Variants in HTR2A observed in about 807,000 individuals in gnomAD.
HTR2A encodes the protein 5-hydroxytryptamine receptor 2A, also known as 5-HT2 receptor.
HTR2A carries 14 observed loss-of-function variants against 31.0 expected under a neutral mutation model. That is an observed-to-expected ratio of 0.45 (90% CI 0.30 to 0.71). The LOEUF is 0.71. HTR2A is among the 30% of genes least tolerant of loss of function. The pLI is 0.09. For missense variants in HTR2A, 442 were observed against 573.3 expected (o/e 0.77, Z 2.34); for synonymous variants, 209 against 225.2 (o/e 0.93, Z 0.64).
intron 3 of HTR2A, among the ~76,000 whole-genome samples, chr13:46,865,579 C>T (rs1262957410): frequency 3.3e-5 from 5 of 152,190 alleles, no homozygotes; most frequent in Admixed American, 1.3e-4. Flanking sequence ...TCCATTGGAA[C>T]GTTCTGTGAC....
At chr13:46,893,338 G>A (rs576963442) in intron 2 of HTR2A, among the ~76,000 whole-genome samples, 1 of 152,354 alleles carries the variant, frequency 6.6e-6, no homozygotes, top group South Asian at 2.1e-4. Flanking sequence ...TCCGTCCAGA[G>A]GTTCTGATGC....
rs1950620267 is a variant in HTR2A at position 46,843,918 on chromosome 13, GC to G, written c.614-8280del. Among the ~76,000 whole-genome samples, 3 of 152,140 alleles carry G rather than the reference GC, an allele frequency of 2.0e-5. No homozygotes were observed. The South Asian group carries it at 6.2e-4, about 31-fold the overall frequency. ...TTATTTGGGAGTGCTTTGGGAATCT[GC>G]AGATGGAGATCATGTTTCCAAACCA... On this transcript the variant is annotated intron_variant, in intron 3 of 3. Coordinates refer to ENST00000542664, the MANE Select transcript of HTR2A (RefSeq NM_000621.5).
At chr13:46,836,665 G>T (rs1257054198) in intron 3 of HTR2A, among the ~76,000 whole-genome samples, 1 of 152,070 alleles carries the variant, frequency 6.6e-6, no homozygotes, top group Non-Finnish European at 1.5e-5. Flanking sequence ...AAGATTATCA[G>T]CTCAAGCCCA....
chr13:46,837,239 C>T (rs1950568995), intron 3 of HTR2A, among the ~76,000 whole-genome samples: 1 of 152,166 alleles, frequency 6.6e-6, no homozygotes, highest in African/African-American at 2.4e-5. Flanking sequence ...CCAGCCCCCA[C>T]CATGGACAAC....
chr13:46,886,170 T>C (rs981908298), intron 3 of HTR2A, among the ~76,000 whole-genome samples: 3 of 152,194 alleles, frequency 2.0e-5, no homozygotes, highest in Non-Finnish European at 4.4e-5. Flanking sequence ...AACTTGTGAA[T>C]TGGGACTCAG....
intron 3 of HTR2A, among the ~76,000 whole-genome samples, chr13:46,862,926 A>G (rs1342333933): frequency 6.6e-6 from 1 of 152,202 alleles, no homozygotes; most frequent in Admixed American, 6.5e-5. Flanking sequence ...TAAATCACTA[A>G]TTGTAAAACA....
At chr13:46,870,647 TG>T (rs1477259512) in intron 3 of HTR2A, among the ~76,000 whole-genome samples, 1 of 152,218 alleles carries the variant, frequency 6.6e-6, no homozygotes, top group African/African-American at 2.4e-5. Context: ...AATTATCTAT[TG>T]TGCAAAATAA....
chr13:46,855,178 G>T (rs950856548), intron 3 of HTR2A, among the ~76,000 whole-genome samples: 2 of 152,156 alleles, frequency 1.3e-5, no homozygotes, highest in African/African-American at 4.8e-5. Context: ...TGTGACACAA[G>T]AAATCTGTCA....
intron 3 of HTR2A, among the ~76,000 whole-genome samples, chr13:46,885,535 A>G (rs1950999491): frequency 6.6e-6 from 1 of 152,220 alleles, no homozygotes; most frequent in Non-Finnish European, 1.5e-5. Flanking sequence ...ATCTAAACAT[A>G]ATCCAACCTT....
At chr13:46,876,268 C>T (rs758601684) in intron 3 of HTR2A, among the ~76,000 whole-genome samples, 2 of 151,972 alleles carry the variant, frequency 1.3e-5, no homozygotes, top group African/African-American at 4.8e-5. Flanking sequence ...CATCTCTGAT[C>T]CCCAATTTTT....
At chr13:46,844,543 G>A (rs1950624881) in intron 3 of HTR2A, among the ~76,000 whole-genome samples, 1 of 152,182 alleles carries the variant, frequency 6.6e-6, no homozygotes. Context: ...AAAATCACAA[G>A]GGAAAAGATC....
chr13:46,855,012 G>A (rs1205144699), intron 3 of HTR2A, among the ~76,000 whole-genome samples: 3 of 152,084 alleles, frequency 2.0e-5, no homozygotes, highest in Non-Finnish European at 2.9e-5. Flanking sequence ...GAAGATGAAG[G>A]CAGAGATTGG....
intron 3 of HTR2A, among the ~76,000 whole-genome samples, chr13:46,862,175 T>C (rs941797789): frequency 1.3e-5 from 2 of 152,222 alleles, no homozygotes; most frequent in African/African-American, 4.8e-5. Context: ...CTGTAACTTC[T>C]GTAAGTGTAC....
At chr13:46,840,316 T>C (rs1169052991) in intron 3 of HTR2A, among the ~76,000 whole-genome samples, 11 of 152,136 alleles carry the variant, frequency 7.2e-5, no homozygotes, top group African/African-American at 2.4e-4. Context: ...TTCCTTCTAA[T>C]CTATGTATGG....
In HTR2A at chr13:46,861,602, G is replaced by A. The variant is rs540467659; in HGVS notation, c.614-25963C>T. On this transcript the variant is annotated intron_variant, in intron 3 of 3. Transcript: ENST00000542664. Reference sequence around the variant, plus strand: ...TCTATCAAGCATTTTGAACTTACTGGCTTCTGTTTAAAATGCAAACACTTC... The same window carrying A: ...TCTATCAAGCATTTTGAACTTACTGACTTCTGTTTAAAATGCAAACACTTC... Among the ~76,000 whole-genome samples, 7 of 152,322 alleles carry A rather than the reference G, an allele frequency of 4.6e-5. No individual in the cohort carries two copies. The South Asian group carries it at 1.5e-3, about 32-fold the overall frequency.
At chr13:46,858,289 T>C (rs1180276768) in intron 3 of HTR2A, among the ~76,000 whole-genome samples, 2 of 151,980 alleles carry the variant, frequency 1.3e-5, no homozygotes, top group Admixed American at 6.6e-5. Context: ...TGACGACCCC[T>C]CTCTCAGGCA....
At chr13:46,872,616 A>G (rs1353019997) in intron 3 of HTR2A, among the ~76,000 whole-genome samples, 1 of 152,200 alleles carries the variant, frequency 6.6e-6, no homozygotes, top group Admixed American at 6.5e-5. Flanking sequence ...TGCTAACATT[A>G]ACAAGTGTAC....
chr13:46,845,643 CAAAAAAA>C (rs11394720), intron 3 of HTR2A, among the ~76,000 whole-genome samples: 15 of 112,972 alleles, frequency 1.3e-4, no homozygotes, highest in East Asian at 2.5e-4. Context: ...TTCATCACTC[CAAAAAAA>C]AAAAAAAAAA....
rs1453149357 is a variant in HTR2A, at chr13:46,892,554, A to G, written c.449T>C (p.Val150Ala). 6.2e-7 allele frequency: 1 copy of G among 1,614,112 alleles called. No homozygotes were observed. Among genetic ancestry groups the G allele is most frequent in the African/African-American group, 1.3e-5 (1 of 74,936 alleles). The part of the protein sequence containing the change: ...RWPLPSKLCA[V>A]WIYLDVLFST... ...GAAGAGCACGTCCAGGTAAATCCAG[A>G]CTGCACAAAGCTTGCTCGGCAGAGG... Residue 150 changes from valine to alanine, a missense_variant, in exon 3 of 4, where the codon GTC becomes GCC. Val to Ala is a moderately conservative substitution (Grantham distance 64). This residue lies in a region of HTR2A where 86 missense variants were observed against 179.1 expected (regional missense o/e 0.48). Coordinates refer to ENST00000542664, the MANE Select transcript of HTR2A (RefSeq NM_000621.5).
Sources: gnomAD v4.1 joint callset for allele counts (sites outside exome capture counted in the v4.1 genomes callset) on GRCh38, gnomAD v4.1.1 for gene constraint, gnomAD v4.1.1 regional missense constraint, MANE v1.5 for transcripts, NCBI Gene and HGNC (gene_info 2026-07-23, HGNC 2026-07-21) for gene names.